The following SMYD3 variants were observed in gnomAD, a reference collection of about 807,000 sequenced individuals.
SMYD3 encodes the protein histone-lysine N-methyltransferase SMYD3.
Under a neutral mutation model 57.7 loss-of-function variants are expected in SMYD3, and 36 were observed. The ratio of observed to expected loss-of-function variants is 0.62; its 90% CI spans 0.48 to 0.82. The LOEUF (loss-of-function observed/expected upper bound fraction) is 0.82, where lower values mean the gene tolerates loss of function less well. Among genes scored for constraint, SMYD3 ranks in the 40% least tolerant of loss-of-function variants. The pLI is 0.00. For missense variants in SMYD3, 515 were observed against 538.8 expected (o/e 0.96, Z 0.44); for synonymous variants, 211 against 195.0 (o/e 1.08, Z -0.68).
intron 5 of SMYD3, among the ~76,000 whole-genome samples, chr1:246,015,628 C>T (rs2059364088): frequency 6.6e-6 from 1 of 152,162 alleles, no homozygotes; most frequent in Non-Finnish European, 1.5e-5. Flanking sequence ...GATCCTGGTA[C>T]CCGCCATTCC....
chr1:245,789,283 G>A (rs1558339445), intron 10 of SMYD3, among the ~76,000 whole-genome samples: 2 of 152,176 alleles, frequency 1.3e-5, no homozygotes, highest in South Asian at 2.1e-4. Flanking sequence ...AGCTCCTCAC[G>A]TATAAATGGA....
intron 5 of SMYD3, among the ~76,000 whole-genome samples, chr1:246,107,847 T>A (rs770043676): frequency 6.6e-6 from 1 of 152,072 alleles, no homozygotes; most frequent in African/African-American, 2.4e-5. Context: ...AACTTCCAAA[T>A]AAATAAATCT....
At chr1:246,458,997 G>A (rs1444706667) in intron 1 of SMYD3, among the ~76,000 whole-genome samples, 2 of 152,076 alleles carry the variant, frequency 1.3e-5, no homozygotes, top group Non-Finnish European at 2.9e-5. Context: ...TCAGCTCTGT[G>A]TCCCCACCCA....
chr1:246,185,814 T>C (rs1353734579), intron 5 of SMYD3, among the ~76,000 whole-genome samples: 1 of 152,194 alleles, frequency 6.6e-6, no homozygotes, highest in African/African-American at 2.4e-5. Flanking sequence ...AATGGTAATT[T>C]ATGTGCACAC....
Position 245,904,705 on chromosome 1 carries a change from C to A in SMYD3, c.813+10825G>T, listed in dbSNP as rs546569254. The stretch of plus-strand genomic sequence containing the variant: ...CTCGTAGGCAAGTCCTACAGCTGAA[C>A]TAGGCCCAGAGACAGTGGACTTAGG... On this transcript the variant is annotated intron_variant, in intron 8 of 11. Transcript: ENST00000490107. Among the ~76,000 whole-genome samples the A allele has an allele frequency of 3.9e-5, 6 of 152,222 alleles. No homozygotes were observed. In the East Asian group the frequency reaches 1.2e-3, roughly 30 times the overall value.
At position 246,291,015 on chromosome 1, in the gene SMYD3, T is replaced by C. The variant is rs186565218; in HGVS notation, c.531+36186A>G. The stretch of plus-strand genomic sequence containing the variant: ...ATTTGTTACCTTGTGATGGGACAAT[T>C]AAACAAGCTTTTAAGCGTGATAAAA... On this transcript the variant is annotated intron_variant, in intron 5 of 11. Transcript: ENST00000490107. Among the ~76,000 whole-genome samples the C allele has an allele frequency of 1.5e-4, 22 of 150,450 alleles. No individual in the cohort carries two copies. The East Asian group carries it at 2.4e-3, about 16-fold the overall frequency.
At chr1:246,459,116 G>A (rs116773929) in intron 1 of SMYD3, among the ~76,000 whole-genome samples, 42 of 152,278 alleles carry the variant, frequency 2.8e-4, no homozygotes, top group African/African-American at 9.9e-4. Context: ...CAGAGTTCTC[G>A]CAAGATATTG....
chr1:246,408,298 T>C (rs920164812), intron 1 of SMYD3, among the ~76,000 whole-genome samples: 8 of 152,308 alleles, frequency 5.3e-5, no homozygotes, highest in South Asian at 4.1e-4. Flanking sequence ...AAACTGTCTA[T>C]ATAAATAGTT....
intron 5 of SMYD3, among the ~76,000 whole-genome samples, chr1:246,043,518 C>T (rs116109991): frequency 0.014 from 2,179 of 152,246 alleles, 31 homozygotes; most frequent in South Asian, 0.034. Flanking sequence ...GGAAATAACC[C>T]AATGGGACAT....
Position 246,439,009 on chromosome 1 carries a change from G to A in SMYD3, c.164+68045C>T, listed in dbSNP as rs192043940. The stretch of plus-strand genomic sequence containing the variant: ...GGCCATGGGAGTGGTACCGGTCCTC[G>A]GCCCGGGCTCTGGGGACCCCTGACT... On this transcript the variant is annotated intron_variant, in intron 1 of 11. Transcript: ENST00000490107. Among the ~76,000 whole-genome samples, 4 of 151,326 alleles carry A rather than the reference G, an allele frequency of 2.6e-5. No homozygotes were observed. The East Asian group carries it at 5.9e-4, about 22-fold the overall frequency.
chr1:245,943,350 C>T (rs2057322431), intron 5 of SMYD3, among the ~76,000 whole-genome samples: 1 of 151,780 alleles, frequency 6.6e-6, no homozygotes, highest in African/African-American at 2.4e-5. Context: ...TCAGAGAGTA[C>T]TATAAACACC....
chr1:246,486,266 C>T (rs1041489924), intron 1 of SMYD3, among the ~76,000 whole-genome samples: 1 of 152,130 alleles, frequency 6.6e-6, no homozygotes, highest in Non-Finnish European at 1.5e-5. Flanking sequence ...GAACCTGGAC[C>T]AGAATCTATC....
At chr1:245,752,681 C>G (rs1334324308) in intron 11 of SMYD3, among the ~76,000 whole-genome samples, 5 of 152,206 alleles carry the variant, frequency 3.3e-5, no homozygotes, top group Non-Finnish European at 5.9e-5. Flanking sequence ...GCCCATCCCA[C>G]AGTACGGTAA....
chr1:245,786,093 T>A (rs77008815), intron 10 of SMYD3, among the ~76,000 whole-genome samples: 50 of 140,218 alleles, frequency 3.6e-4, no homozygotes, highest in South Asian at 2.1e-3. Flanking sequence ...TTTTTTTTTT[T>A]AAAAAGCAAT....
At chr1:245,963,475 G>A (rs1288185299) in intron 5 of SMYD3, among the ~76,000 whole-genome samples, 7 of 151,838 alleles carry the variant, frequency 4.6e-5, no homozygotes, top group Admixed American at 2.0e-4. Flanking sequence ...ACAACTCTTC[G>A]AGTTTAAAAC....
chr1:245,930,030 A>T, intron 5 of SMYD3, 93 bp from the exon 6 acceptor site: 1 of 1,027,984 alleles, frequency 9.7e-7, no homozygotes, highest in Non-Finnish European at 1.5e-6. Context: ...CAAATGTAGG[A>T]GCATCTTAGT....
intron 8 of SMYD3, among the ~76,000 whole-genome samples, chr1:245,866,472 C>T (rs1185670109): frequency 1.3e-5 from 2 of 152,102 alleles, no homozygotes; most frequent in Admixed American, 6.5e-5. Flanking sequence ...CGGCTCATGC[C>T]TGTAATCCCA....
At chr1:245,896,874 G>A (rs28452603) in intron 8 of SMYD3, among the ~76,000 whole-genome samples, 1 of 118,720 alleles carries the variant, frequency 8.4e-6, no homozygotes, top group South Asian at 3.5e-4. Context: ...AAAACTACCA[G>A]ACAGAAGGGA....
chr1:246,457,548 AG>A (rs1202812348), intron 1 of SMYD3, among the ~76,000 whole-genome samples: 1,445 of 78,858 alleles, frequency 0.018, 22 homozygotes, highest in African/African-American at 0.048. Flanking sequence ...AAAAAAAAAA[AG>A]AAAAGAAAAG....
Sources: allele counts gnomAD v4.1 joint callset (sites outside exome capture counted in the v4.1 genomes callset), GRCh38; gene constraint gnomAD v4.1.1; transcripts MANE v1.5; gene names NCBI Gene and HGNC (gene_info 2026-07-23, HGNC 2026-07-21).